The following SPAG5 variants were observed in gnomAD, a reference collection of about 807,000 sequenced individuals.
SPAG5 encodes the protein sperm associated antigen 5.
In SPAG5, 99 loss-of-function variants were observed where a neutral mutation model predicts 145.4. The observed-to-expected ratio is 0.68, with a 90% CI of 0.58 to 0.80. The LOEUF (loss-of-function observed/expected upper bound fraction) is 0.80. SPAG5 is among the 30% of genes least tolerant of loss of function. The pLI is 0.00. For synonymous variants in SPAG5, 477 were observed against 525.4 expected (o/e 0.91, Z 1.26); for missense variants, 1,192 against 1,416.0 (o/e 0.84, Z 2.54).
chr17:28,586,280 C>A, intron 5 of SPAG5, 98 bp from the exon 6 acceptor site: 1 of 1,233,932 alleles, frequency 8.1e-7, no homozygotes, highest in Non-Finnish European at 1.2e-6. Context: ...TTCCAAGCTC[C>A]GCATAAGGAG....
In SPAG5 at chr17:28,580,119, G is replaced by C; in HGVS notation, c.2687C>G (p.Thr896Ser). ...LFLQTKLKEK[T>S]EQETLLLSTA... Reference sequence around the variant, plus strand: ...ACTCAGCAGAAGGGTCTCTTGTTCAGTCTAAGGGCAAAGAAGAAAAAATAG... The same window carrying C: ...ACTCAGCAGAAGGGTCTCTTGTTCACTCTAAGGGCAAAGAAGAAAAAATAG... The change falls in exon 16 of 24, where the codon ACT becomes AGT. Residue 896 changes from threonine (T) to serine (S), a missense_variant and splice_region_variant. Coordinates refer to ENST00000321765, the MANE Select transcript of SPAG5 (RefSeq NM_006461.4). 1 of 1,607,886 alleles carries C rather than the reference G, an allele frequency of 6.2e-7. No individual in the cohort carries two copies. Among genetic ancestry groups the C allele is most frequent in the Non-Finnish European group, 8.5e-7 (1 of 1,176,030 alleles).
rs1331321328 is a variant in SPAG5, at chr17:28,584,406, A to T, written c.2236T>A (p.Cys746Ser). The part of the protein sequence containing the change: ...LKELQSQHTH[C>S]AQDLAMKDEL... Reference sequence around the variant, plus strand: ...TCCTTCATAGCCAGGTCCTGGGCACAATGGGTATGCTGACTCTGTAGCTCT... The same window carrying T: ...TCCTTCATAGCCAGGTCCTGGGCACTATGGGTATGCTGACTCTGTAGCTCT... Residue 746 changes from cysteine to serine, a missense_variant, in exon 12 of 24, where the codon TGT becomes AGT. Coordinates refer to ENST00000321765, the MANE Select transcript of SPAG5 (RefSeq NM_006461.4). The T allele has an allele frequency of 1.2e-6, 2 of 1,614,172 alleles. No homozygotes were observed.
At chr17:28,579,567 T>G in intron 17 of SPAG5, 82 bp from the exon 18 acceptor site, 1 of 1,507,956 alleles carries the variant, frequency 6.6e-7, no homozygotes, top group African/African-American at 1.4e-5. Flanking sequence ...CCACAACTCT[T>G]ATCCGTGTTC....
chr17:28,590,840 G>T (rs375059585), intron 4 of SPAG5, among the ~76,000 whole-genome samples: 2 of 132,106 alleles, frequency 1.5e-5, no homozygotes, highest in Non-Finnish European at 3.1e-5. Context: ...TTGCACTCCA[G>T]CCTGGGTGAC....
At position 28,586,504 on chromosome 17, in the gene SPAG5, C is replaced by A. The variant is rs1009659873; in HGVS notation, c.1438-5G>T. 6.2e-7 allele frequency: 1 copy of A among 1,610,308 alleles called. No homozygotes were observed. Among genetic ancestry groups the A allele is most frequent in the Non-Finnish European group, 8.5e-7 (1 of 1,176,562 alleles). On this transcript the variant is annotated splice_region_variant and splice_polypyrimidine_tract_variant and intron_variant, in intron 4 of 23. Coordinates refer to ENST00000321765, the MANE Select transcript of SPAG5 (RefSeq NM_006461.4). The stretch of plus-strand genomic sequence containing the variant: ...ATGCTGAAGTTTATTAGTTATCTAG[C>A]CAGAAAAACAGAGTTGTTCCTTGTT...
chr17:28,583,922 G>A lies in SPAG5; in HGVS notation c.2477C>T (p.Thr826Ile). The change falls in exon 14 of 24, where the codon ACC becomes ATC. Residue 826 changes from threonine (T) to isoleucine (I), a missense_variant. Coordinates refer to ENST00000321765, the MANE Select transcript of SPAG5 (RefSeq NM_006461.4). ...GCGCTCCCGGAGCACTTCCAGTGTG[G>A]TTTTCAATTGACACTCAACCTGACC... ...ELGQVECQLK[T>I]TLEVLRERSL... 1 of 1,614,168 alleles carries A rather than the reference G, an allele frequency of 6.2e-7. No homozygotes were observed.
intron 4 of SPAG5, among the ~76,000 whole-genome samples, chr17:28,587,248 TAAA>T (rs1555536335): frequency 4.0e-5 from 4 of 101,124 alleles, no homozygotes; most frequent in Admixed American, 1.0e-4. Flanking sequence ...ACCCCATCTC[TAAA>T]AAAAAAAAAA....
At chr17:28,593,228 T>C (rs1224018540) in intron 2 of SPAG5, among the ~76,000 whole-genome samples, 162 bp from the exon 3 acceptor site, 2 of 152,228 alleles carry the variant, frequency 1.3e-5, no homozygotes, top group African/African-American at 4.8e-5. Context: ...GACCCAATAG[T>C]AGGGAAAGAA....
chr17:28,585,131 G>A lies in SPAG5; in HGVS notation c.2038C>T (p.Arg680Cys), dbSNP rs187049512. 26 of 1,614,170 alleles carry A rather than the reference G, an allele frequency of 1.6e-5. No homozygotes were observed. In the South Asian group the frequency reaches 2.0e-4, roughly 12 times the overall value. ...TVKSQQALQERDVAIEEKQEV... is the reference protein window; with the variant it reads ...TVKSQQALQECDVAIEEKQEV... The stretch of plus-strand genomic sequence containing the variant: ...TGCTTTTCCTCAATTGCCACATCAC[G>A]TTCCTGCAGGGCTTGCTGGCTCTTG... Residue 680 changes from arginine to cysteine, a missense_variant, in exon 10 of 24, where the codon CGT (arginine) becomes TGT (cysteine). Physicochemically the swap from Arg to Cys is radical, Grantham distance 180. This residue lies in a region of SPAG5 where 709 missense variants were observed against 840.7 expected (regional missense o/e 0.84). Transcript: ENST00000321765.
chr17:28,596,612 G>C (rs747133264), intron 2 of SPAG5, among the ~76,000 whole-genome samples: 1 of 152,134 alleles, frequency 6.6e-6, no homozygotes, highest in East Asian at 1.9e-4. Context: ...AGGTTGCAAC[G>C]AGCCAAGATC....
chr17:28,579,047 C>A, intron 19 of SPAG5, 94 bp downstream of exon 19: 1 of 1,110,298 alleles, frequency 9.0e-7, no homozygotes, highest in Admixed American at 2.4e-5. Context: ...TGGAAAATCC[C>A]CACCACCCAG....
Position 28,578,682 on chromosome 17 carries a change from C to T in SPAG5, c.3188G>A (p.Gly1063Asp), listed in dbSNP as rs1214657470. ...EKILEQIDKS[G>D]ELISLREEVT... ...TGATGGTGAACATACTATGAGCTCG[C>T]CACTCTTGTCTATCTGTTCTAGGAT... The change falls in exon 20 of 24, where the codon GGC becomes GAC. Residue 1063 changes from glycine (G) to aspartate (D), a missense_variant. Around this residue, in one of 5 missense-constraint regions of SPAG5, gnomAD observed 709 missense variants for 840.7 expected, o/e 0.84. Coordinates refer to ENST00000321765, the MANE Select transcript of SPAG5 (RefSeq NM_006461.4). The T allele has an allele frequency of 1.2e-6, 2 of 1,613,882 alleles. No individual in the cohort carries two copies. The highest frequency in any genetic ancestry group is 1.7e-6 in the Non-Finnish European group (2 of 1,179,878).
At position 28,577,650 on chromosome 17, in the gene SPAG5, G is replaced by T; in HGVS notation, c.*49C>A. 7.7e-7 allele frequency: 1 copy of T among 1,293,176 alleles called. No homozygotes were observed. The highest frequency in any genetic ancestry group is 1.2e-5 in the South Asian group (1 of 84,484). The allele number at this position is 1,293,176 out of a possible 1,614,324, so 80.1% of individuals were successfully genotyped here. A position where few individuals can be genotyped will look rare whatever the true frequency, so the allele number is the denominator to read the frequency against. ...CAGTTGGTCTTGGTATTGGGGTAAG[G>T]GGGTATTGCAGGTAAAAAGAGGTGA... On this transcript the variant is annotated 3_prime_UTR_variant, in exon 24 of 24. Transcript: ENST00000321765.
chr17:28,583,438 T>G, intron 15 of SPAG5, 73 bp downstream of exon 15: 1 of 1,441,448 alleles, frequency 6.9e-7, no homozygotes. Flanking sequence ...AGAAAAAGAG[T>G]AATGTTTTAG....
At chr17:28,577,958 G>T in intron 23 of SPAG5, 52 bp downstream of exon 23, 1 of 1,486,472 alleles carries the variant, frequency 6.7e-7, no homozygotes, top group Non-Finnish European at 9.4e-7. Flanking sequence ...ACCTCCTGGG[G>T]CCAGGCCTTG....
intron 15 of SPAG5, 46 bp from the exon 16 acceptor site, chr17:28,580,166 C>T: frequency 7.4e-7 from 1 of 1,348,958 alleles, no homozygotes; most frequent in Non-Finnish European, 1.0e-6. Context: ...GTCTAGTGAA[C>T]TCCTGGGCTT....
rs1210474685 is a variant in SPAG5, at chr17:28,592,409, C to A, written c.835G>T (p.Glu279Ter). ...TTAGGATGTGTGGGAAACCTCATTT[C>A]TCTTTCCTCCATAGCTCCATGCTCT... ...IVEHGAMEER[E>*]MRFPTHPKES... The change falls in exon 3 of 24, where the codon GAA becomes TAA. Residue 279 changes from glutamate (E) to a stop codon, truncating the protein, a stop_gained. Coordinates refer to ENST00000321765, the MANE Select transcript of SPAG5 (RefSeq NM_006461.4). LOFTEE classifies it high-confidence loss of function. 3 of 1,614,010 alleles carry A rather than the reference C, an allele frequency of 1.9e-6. No homozygotes were observed. The highest frequency in any genetic ancestry group is 2.5e-6 in the Non-Finnish European group (3 of 1,180,024).
At position 28,598,556 on chromosome 17, in the gene SPAG5, G is replaced by C. The variant is rs149657162; in HGVS notation, c.131C>G (p.Pro44Arg). 46 of 1,613,796 alleles carry C rather than the reference G, an allele frequency of 2.9e-5. No individual in the cohort carries two copies. The highest frequency in any genetic ancestry group is 3.7e-5 in the Non-Finnish European group (44 of 1,179,948). Residue 44 changes from proline (P) to arginine (R), a missense_variant, in exon 2 of 24, where the codon CCC becomes CGC. Pro to Arg is a moderately radical substitution (Grantham distance 103, BLOSUM62 -2). Coordinates refer to ENST00000321765, the MANE Select transcript of SPAG5 (RefSeq NM_006461.4). Reference sequence around the variant, plus strand: ...TGATGGGGTCAGCGAGGAGCAAGCGGGGGATCTTTTTCCAGAGTTGGTGAG... The same window carrying C: ...TGATGGGGTCAGCGAGGAGCAAGCGCGGGATCTTTTTCCAGAGTTGGTGAG... ...GALTNSGKRS[P>R]ACSSLTPSLC... is the part of the protein sequence containing the mutation.
chr17:28,585,758 A>G, intron 7 of SPAG5, 105 bp from the exon 8 acceptor site: 2 of 1,605,438 alleles, frequency 1.2e-6, no homozygotes, highest in Non-Finnish European at 1.7e-6. Context: ...TGCCCAGGGC[A>G]GGCAGTTCTT....
Sources: allele counts gnomAD v4.1 joint callset (sites outside exome capture counted in the v4.1 genomes callset), GRCh38; gene constraint gnomAD v4.1.1; regional missense constraint gnomAD v4.1.1; transcripts MANE v1.5; gene names NCBI Gene and HGNC (gene_info 2026-07-23, HGNC 2026-07-21).